Variants in PIEZO2 observed in about 807,000 individuals in gnomAD.
PIEZO2 encodes the protein piezo-type mechanosensitive ion channel component 2.
A neutral mutation model predicts 337.3 loss-of-function variants in PIEZO2; 172 were observed. The ratio of observed to expected loss-of-function variants is 0.51; its 90% confidence interval spans 0.45 to 0.58. PIEZO2 has a LOEUF of 0.58. Among genes scored for constraint, PIEZO2 ranks in the 20% least tolerant of loss-of-function variants. PIEZO2 has a pLI of 0.00. For synonymous variants in PIEZO2, 1,251 were observed against 1,228.5 expected (o/e 1.02, Z -0.38); for missense variants, 3,028 against 3,391.3 (o/e 0.89, Z 2.66).
At chr18:10,966,312 C>T (rs2033996767) in intron 3 of PIEZO2, among the ~76,000 whole-genome samples, 1 of 152,182 alleles carries the variant, frequency 6.6e-6, no homozygotes, top group Non-Finnish European at 1.5e-5. Flanking sequence ...ATCTTCAGTT[C>T]TCTGCTACAT....
intron 1 of PIEZO2, among the ~76,000 whole-genome samples, chr18:11,103,007 G>A (rs1162208862): frequency 2.6e-5 from 4 of 152,176 alleles, no homozygotes; most frequent in Non-Finnish European, 5.9e-5. Context: ...TTGGCTAGGG[G>A]AGGGGTGCAC....
At chr18:10,734,765 C>T (rs549874435) in intron 35 of PIEZO2, among the ~76,000 whole-genome samples, 5 of 152,114 alleles carry the variant, frequency 3.3e-5, no homozygotes, top group East Asian at 1.9e-4. Context: ...CTGGCTGTAC[C>T]GAGTGCAGAA....
rs1207801967 is a variant in PIEZO2, at chr18:10,878,885, G to A, written c.330-7470C>T. 1.3e-5 allele frequency among the ~76,000 whole-genome samples: 2 copies of A among 152,198 alleles called. No individual in the cohort carries two copies. The highest frequency in any genetic ancestry group is 6.5e-5 in the Admixed American group (1 of 15,286). On this transcript the variant is annotated intron_variant, in intron 4 of 55. Transcript: ENST00000674853. This position sits in a 1 kb window ranked among gnomAD's most constrained non-coding sequence, Gnocchi z 4.3. The stretch of plus-strand genomic sequence containing the variant: ...AGGCCACAGGAGAAACAGTGACGTG[G>A]CTGCTGGTAGTGCAGGTGGTGTTTT...
chr18:10,715,364 A>G (rs1357142908), intron 38 of PIEZO2, among the ~76,000 whole-genome samples: 1 of 152,238 alleles, frequency 6.6e-6, no homozygotes, highest in African/African-American at 2.4e-5. Flanking sequence ...ATAGGGATAT[A>G]GAACAAGGCA....
intron 36 of PIEZO2, among the ~76,000 whole-genome samples, chr18:10,720,295 TTC>T (rs1185094809): frequency 0.017 from 2,176 of 130,788 alleles, 144 homozygotes; most frequent in African/African-American, 0.06. Flanking sequence ...CATATGTATA[TTC>T]TCTCTCTCTG....
chr18:10,731,177 T>TAGATATATATATA (rs1555633703), intron 36 of PIEZO2, among the ~76,000 whole-genome samples: 2 of 35,230 alleles, frequency 5.7e-5, no homozygotes, highest in African/African-American at 1.3e-4. Flanking sequence ...ACTTAAAAGA[T>TAGATATATATATA]TATATATATA....
intron 2 of PIEZO2, among the ~76,000 whole-genome samples, chr18:11,053,965 A>C (rs1238859970): frequency 6.6e-6 from 1 of 152,208 alleles, no homozygotes; most frequent in African/African-American, 2.4e-5. Flanking sequence ...TGGAGGCTGC[A>C]GTGAGCCGAG....
chr18:11,137,411 G>A (rs906215487), intron 1 of PIEZO2, among the ~76,000 whole-genome samples: 4 of 152,162 alleles, frequency 2.6e-5, no homozygotes, highest in African/African-American at 7.2e-5. Context: ...AAAGGCATGT[G>A]CAGAAATATT....
At position 10,819,838 on chromosome 18, in the gene PIEZO2, A is replaced by G. The variant is rs2040471411; in HGVS notation, c.918-12564T>C. 6.6e-6 allele frequency among the ~76,000 whole-genome samples: 1 copy of G among 151,426 alleles called. No homozygotes were observed. Among genetic ancestry groups the G allele is most frequent in the Admixed American group, 6.6e-5 (1 of 15,266 alleles). ...TTAAGTCTGAAGAGCATCCTCTAAT[A>G]TTTGTGTAGTGCAGGTCTGCTGGTG... On this transcript the variant is annotated intron_variant, in intron 7 of 55. Transcript: ENST00000674853. This position sits in a 1 kb window ranked among gnomAD's most constrained non-coding sequence, Gnocchi z 4.3.
At chr18:10,930,090 G>A (rs1388263253) in intron 3 of PIEZO2, among the ~76,000 whole-genome samples, 2 of 152,152 alleles carry the variant, frequency 1.3e-5, no homozygotes, top group Non-Finnish European at 2.9e-5. Context: ...AGCAGGCCTT[G>A]AGGTACATCT....
chr18:10,677,592 T>C lies in PIEZO2; in HGVS notation c.8081+155A>G. ...AACTCCATAGCTGAGATTAAGTTTCTTTAATCTTGCAAAATGGGGCCTCCA... is the reference window on the plus strand; with the variant it reads ...AACTCCATAGCTGAGATTAAGTTTCCTTAATCTTGCAAAATGGGGCCTCCA... On this transcript the variant is annotated intron_variant, in intron 53 of 55. Coordinates refer to ENST00000674853, the MANE Select transcript of PIEZO2 (RefSeq NM_001378183.1). The surrounding 1 kb of genome is among the most constrained non-coding windows in gnomAD (Gnocchi z 4.1). 1.1e-6 allele frequency: 1 copy of C among 879,780 alleles called. No homozygotes were observed. The highest frequency in any genetic ancestry group is 1.7e-6 in the Non-Finnish European group (1 of 585,230). The allele number at this position is 879,780 out of a possible 1,614,324, so 54.5% of individuals were successfully genotyped here.
intron 3 of PIEZO2, among the ~76,000 whole-genome samples, chr18:10,937,823 G>A (rs1234750686): frequency 6.6e-6 from 1 of 152,014 alleles, no homozygotes; most frequent in East Asian, 1.9e-4. Context: ...TATGCTCTAT[G>A]TTCTCATAGC....
chr18:10,979,770 A>T lies in PIEZO2; in HGVS notation c.161-110T>A. ...CTATTAGATAGACCGACTCAAAAGTATATGGAATGTAATAATTATCATCTT... is the reference window on the plus strand; with the variant it reads ...CTATTAGATAGACCGACTCAAAAGTTTATGGAATGTAATAATTATCATCTT... On this transcript the variant is annotated intron_variant, in intron 2 of 55. Transcript: ENST00000674853. The surrounding 1 kb of genome is among the most constrained non-coding windows in gnomAD (Gnocchi z 4.0). 1 of 947,156 alleles carries T rather than the reference A, an allele frequency of 1.1e-6. No homozygotes were observed. Among genetic ancestry groups the T allele is most frequent in the Non-Finnish European group, 1.4e-6 (1 of 703,854 alleles). The allele number at this position is 947,156 out of a possible 1,614,324, so 58.7% of individuals were successfully genotyped here. A position where few individuals can be genotyped will look rare whatever the true frequency, so the allele number is the denominator to read the frequency against.
intron 2 of PIEZO2, among the ~76,000 whole-genome samples, chr18:11,026,154 C>G (rs148162057): frequency 6.6e-6 from 1 of 152,190 alleles, no homozygotes; most frequent in Non-Finnish European, 1.5e-5. Flanking sequence ...CACCAGAGAC[C>G]GCTGTCAATA....
chr18:11,042,571 G>A (rs1375843185), intron 2 of PIEZO2, among the ~76,000 whole-genome samples: 1 of 152,242 alleles, frequency 6.6e-6, no homozygotes, highest in East Asian at 1.9e-4. Flanking sequence ...GCTGTGGTGG[G>A]AGGCAGGGTG....
intron 1 of PIEZO2, among the ~76,000 whole-genome samples, chr18:11,147,292 ACC>A (rs2040833866): frequency 6.6e-6 from 1 of 151,940 alleles, no homozygotes; most frequent in Non-Finnish European, 1.5e-5. Context: ...CTGCCCCGGG[ACC>A]CCGCCTGGCC....
chr18:10,990,676 G>T (rs1373213603), intron 2 of PIEZO2, among the ~76,000 whole-genome samples: 1 of 150,940 alleles, frequency 6.6e-6, no homozygotes, highest in Non-Finnish European at 1.5e-5. Flanking sequence ...CTCAATATAT[G>T]TATATTATAT....
intron 36 of PIEZO2, among the ~76,000 whole-genome samples, chr18:10,729,999 T>C (rs1212437675): frequency 6.6e-6 from 1 of 152,244 alleles, no homozygotes; most frequent in Non-Finnish European, 1.5e-5. Context: ...CTTCTTCATA[T>C]GGGCATTTAG....
chr18:10,802,649 C>T (rs768931529), intron 9 of PIEZO2, among the ~76,000 whole-genome samples: 35 of 152,074 alleles, frequency 2.3e-4, no homozygotes, highest in South Asian at 1.5e-3. Context: ...AATCTGGCTT[C>T]ACATAGGTAT....
Sources: gnomAD v4.1 joint callset for allele counts (sites outside exome capture counted in the v4.1 genomes callset) on GRCh38, gnomAD v4.1.1 for gene constraint, Gnocchi (gnomAD v3.1) non-coding constraint, MANE v1.5 for transcripts, NCBI Gene and HGNC (gene_info 2026-07-23, HGNC 2026-07-21) for gene names.